The following ARHGAP20 variants were observed in gnomAD, a reference collection of about 807,000 sequenced individuals.
The protein encoded by ARHGAP20 is Rho GTPase activating protein 20.
A neutral mutation model predicts 73.7 loss-of-function variants in ARHGAP20; 34 were observed. That is an observed-to-expected ratio of 0.46 (90% CI 0.35 to 0.61). ARHGAP20 has a LOEUF of 0.61. Ranked by LOEUF, ARHGAP20 falls within the 20% of genes least tolerant of loss-of-function variation. The probability of loss-of-function intolerance (pLI) is 0.00; values close to 1 mark genes in which losing one functional copy is unlikely to be tolerated. For synonymous variants in ARHGAP20, 523 were observed against 518.2 expected (o/e 1.01, Z -0.13); for missense variants, 1,314 against 1,420.9 (o/e 0.92, Z 1.21).
chr11:110,656,595 C>A (rs1949472311), intron 2 of ARHGAP20, among the ~76,000 whole-genome samples: 1 of 152,152 alleles, frequency 6.6e-6, no homozygotes, highest in South Asian at 2.1e-4. Context: ...CAGGAAGTAA[C>A]AGAAGTTCAC....
At chr11:110,710,113 C>A (rs763917624) in intron 1 of ARHGAP20, among the ~76,000 whole-genome samples, 1 of 152,138 alleles carries the variant, frequency 6.6e-6, no homozygotes, top group Non-Finnish European at 1.5e-5. Context: ...AACTGGGACA[C>A]AAAGGTATGA....
intron 1 of ARHGAP20, among the ~76,000 whole-genome samples, chr11:110,693,637 A>C (rs45474192): frequency 0.017 from 2,573 of 152,010 alleles, 51 homozygotes; most frequent in African/African-American, 0.046. Context: ...GTGTAACCAA[A>C]CAAAGGGCCA....
At chr11:110,687,055 TAGACACACACACACACAC>T (rs1205968126) in intron 2 of ARHGAP20, among the ~76,000 whole-genome samples, 6 of 113,508 alleles carry the variant, frequency 5.3e-5, no homozygotes, top group East Asian at 2.7e-4. Flanking sequence ...TATATATATA[TAGACACACACACACACAC>T]ACACATATAT....
intron 1 of ARHGAP20, among the ~76,000 whole-genome samples, chr11:110,698,309 G>C (rs1461841546): frequency 1.3e-5 from 2 of 151,780 alleles, no homozygotes; most frequent in Admixed American, 1.3e-4. Context: ...ATGTGCTATT[G>C]GATTCGGTTT....
upstream of ARHGAP20, chr11:110,713,050 G>C (rs575347945): frequency 6.6e-6 from 1 of 152,416 alleles, no homozygotes; most frequent in Non-Finnish European, 1.5e-5. Context: ...TCATGTCAGC[G>C]GCCCCTGCAC....
At chr11:110,692,431 C>T (rs1198098571) in intron 1 of ARHGAP20, among the ~76,000 whole-genome samples, 3 of 152,116 alleles carry the variant, frequency 2.0e-5, no homozygotes, top group Non-Finnish European at 2.9e-5. Flanking sequence ...GACCAATTTA[C>T]TACTTTGAAG....
chr11:110,701,418 C>T (rs1302485980), intron 1 of ARHGAP20, among the ~76,000 whole-genome samples: 1 of 152,084 alleles, frequency 6.6e-6, no homozygotes, highest in Non-Finnish European at 1.5e-5. Context: ...CCTTTGCCCA[C>T]TTTCTGATGG....
intron 1 of ARHGAP20, chr11:110,690,839 C>T: frequency 2.2e-6 from 2 of 910,624 alleles, no homozygotes; most frequent in Non-Finnish European, 1.6e-6. Context: ...GTGGTAAAAG[C>T]AATAAGTATT....
At chr11:110,710,395 T>A (rs534409250) in intron 1 of ARHGAP20, among the ~76,000 whole-genome samples, 22 of 151,890 alleles carry the variant, frequency 1.4e-4, no homozygotes, top group Non-Finnish European at 2.4e-4. Flanking sequence ...ATAAAGCTCC[T>A]CTTTAATGCT....
chr11:110,711,548 G>C, intron 1 of ARHGAP20: 1 of 1,338,240 alleles, frequency 7.5e-7, no homozygotes, highest in Non-Finnish European at 9.7e-7. Flanking sequence ...ACCCTGGTGT[G>C]GGGGGCAGTA....
chr11:110,692,502 G>C (rs1456364562), intron 1 of ARHGAP20, among the ~76,000 whole-genome samples: 2 of 151,982 alleles, frequency 1.3e-5, no homozygotes, highest in Admixed American at 6.6e-5. Flanking sequence ...TGTCTGCTTT[G>C]ACCTTGAGGA....
intron 4 of ARHGAP20, among the ~76,000 whole-genome samples, chr11:110,619,407 T>C (rs1022879885): frequency 6.6e-6 from 1 of 151,658 alleles, no homozygotes; most frequent in Non-Finnish European, 1.5e-5. Context: ...TATGCAGTGA[T>C]AGAGTATATG....
intron 11 of ARHGAP20, chr11:110,589,607 A>T: frequency 7.1e-6 from 7 of 985,446 alleles, no homozygotes; most frequent in Non-Finnish European, 8.4e-6. Flanking sequence ...CTAAGGTCAA[A>T]AGCTCTGCTT....
chr11:110,586,198 C>A lies in ARHGAP20; in HGVS notation c.1415+18G>T, dbSNP rs1273956642. Reference sequence around the variant, plus strand: ...TTTTTAAAGTATTTTTGAGACATGACCAAATTAGAATAATTACCTTTGAAC... The same window carrying A: ...TTTTTAAAGTATTTTTGAGACATGAACAAATTAGAATAATTACCTTTGAAC... On this transcript the variant is annotated intron_variant, in intron 12 of 14. Coordinates refer to ENST00000683387, the MANE Select transcript of ARHGAP20 (RefSeq NM_001384657.1). The A allele has an allele frequency of 8.5e-6, 11 of 1,300,930 alleles. No individual in the cohort carries two copies. Among genetic ancestry groups the A allele is most frequent in the Non-Finnish European group, 1.1e-5 (11 of 975,056 alleles). The allele number at this position is 1,300,930 out of a possible 1,614,324, so 80.6% of individuals were successfully genotyped here. A position where few individuals can be genotyped will look rare whatever the true frequency, so the allele number is the denominator to read the frequency against.
intron 2 of ARHGAP20, among the ~76,000 whole-genome samples, chr11:110,648,210 A>AATATATATATATGTAC (rs1242747967): frequency 1.8e-5 from 2 of 113,330 alleles, no homozygotes; most frequent in African/African-American, 7.7e-5. Context: ...TATATATGTA[A>AATATATATATATGTAC]ATATATATAT....
At chr11:110,644,316 A>G (rs1475790408) in intron 2 of ARHGAP20, among the ~76,000 whole-genome samples, 1 of 152,086 alleles carries the variant, frequency 6.6e-6, no homozygotes, top group Non-Finnish European at 1.5e-5. Context: ...TCCAAAATTC[A>G]AACAAAACAA....
chr11:110,588,615 G>A (rs1248958385), intron 11 of ARHGAP20, among the ~76,000 whole-genome samples: 1 of 152,038 alleles, frequency 6.6e-6, no homozygotes, highest in Non-Finnish European at 1.5e-5. Flanking sequence ...TCAATCATTT[G>A]GATCATTTTT....
chr11:110,670,544 A>G (rs925774829), intron 2 of ARHGAP20, among the ~76,000 whole-genome samples: 6 of 152,096 alleles, frequency 3.9e-5, no homozygotes, highest in African/African-American at 7.2e-5. Flanking sequence ...CACTAGTTCC[A>G]TATCTATTAA....
chr11:110,609,397 C>T (rs916415958), intron 7 of ARHGAP20, among the ~76,000 whole-genome samples: 2 of 152,144 alleles, frequency 1.3e-5, no homozygotes, highest in Admixed American at 6.5e-5. Flanking sequence ...CAGAAAACCA[C>T]AAACACTGCT....
Sources: gnomAD v4.1 joint callset for allele counts (sites outside exome capture counted in the v4.1 genomes callset) on GRCh38, gnomAD v4.1.1 for gene constraint, MANE v1.5 for transcripts, NCBI Gene and HGNC (gene_info 2026-07-23, HGNC 2026-07-21) for gene names.